The following HDDC2 variants were observed in gnomAD, a reference collection of about 807,000 sequenced individuals.
HDDC2 encodes HD domain containing 2.
Under a neutral mutation model 25.5 loss-of-function variants are expected in HDDC2, and 25 were observed. The observed-to-expected ratio is 0.98, with a 90% confidence interval of 0.72 to 1.37. HDDC2 has a LOEUF of 1.37. HDDC2 is among the 40% of genes most tolerant of loss of function. The pLI, the probability that HDDC2 is intolerant of heterozygous loss-of-function variation, is 0.00. For missense variants in HDDC2, 264 were observed against 253.1 expected (o/e 1.04, Z -0.29); for synonymous variants, 106 against 89.7 (o/e 1.18, Z -1.03).
At chr6:125,298,960 T>C in intron 2 of HDDC2, 144 bp from the exon 3 acceptor site, 2 of 566,984 alleles carry the variant, frequency 3.5e-6, no homozygotes, top group Non-Finnish European at 6.1e-6. Flanking sequence ...CTAAAGTAGT[T>C]ATATTCTGCC....
intron 3 of HDDC2, among the ~76,000 whole-genome samples, chr6:125,294,544 T>G (rs924403395): frequency 6.6e-6 from 1 of 152,238 alleles, no homozygotes; most frequent in Non-Finnish European, 1.5e-5. Flanking sequence ...TGTGTCTTTA[T>G]AGATTCCTTT....
At chr6:125,301,374 C>T (rs550792768) in intron 1 of HDDC2, among the ~76,000 whole-genome samples, 1 of 151,928 alleles carries the variant, frequency 6.6e-6, no homozygotes, top group Admixed American at 6.6e-5. Context: ...ACATAAAAAG[C>T]TCCACTTAAA....
chr6:125,288,170 C>T (rs1471068633), intron 4 of HDDC2, among the ~76,000 whole-genome samples: 1 of 152,166 alleles, frequency 6.6e-6, no homozygotes. Context: ...TGTCTATGTT[C>T]TCAAAGAAGG....
At chr6:125,277,346 A>C in intron 4 of HDDC2, 106 bp from the exon 5 acceptor site, 1 of 1,041,480 alleles carries the variant, frequency 9.6e-7, no homozygotes. Context: ...CTACAAGTAC[A>C]TTCTGTATCG....
chr6:125,280,706 G>A (rs576048072), intron 4 of HDDC2, among the ~76,000 whole-genome samples: 19 of 152,372 alleles, frequency 1.2e-4, no homozygotes, highest in South Asian at 8.3e-4. Flanking sequence ...AAGAAAGGCC[G>A]TGGCCCTAAT....
At chr6:125,297,598 CTCTT>C (rs1798723888) in intron 3 of HDDC2, 1 of 395,162 alleles carries the variant, frequency 2.5e-6, no homozygotes, top group Non-Finnish European at 4.4e-6. Context: ...AGTCTGATGT[CTCTT>C]TCTTTTCCCC....
chr6:125,293,533 T>C (rs1798661274), intron 3 of HDDC2, among the ~76,000 whole-genome samples: 1 of 152,196 alleles, frequency 6.6e-6, no homozygotes, highest in African/African-American at 2.4e-5. Flanking sequence ...ATCTGAACCC[T>C]TCAATAGCAT....
intron 4 of HDDC2, among the ~76,000 whole-genome samples, chr6:125,292,546 C>G (rs1798647085): frequency 6.6e-6 from 1 of 152,144 alleles, no homozygotes; most frequent in Non-Finnish European, 1.5e-5. Context: ...ATCCCCAAGT[C>G]CATGTTCTTT....
chr6:125,276,678 T>C (rs1034795647), intron 5 of HDDC2: 1 of 240,266 alleles, frequency 4.2e-6, no homozygotes, highest in South Asian at 8.3e-5. Context: ...GGCTGGCTCA[T>C]GATGTAAACA....
chr6:125,299,428 C>T (rs1269942690), intron 2 of HDDC2, among the ~76,000 whole-genome samples: 1 of 152,170 alleles, frequency 6.6e-6, no homozygotes, highest in Non-Finnish European at 1.5e-5. Context: ...GTTCCTGACA[C>T]ATGTGAATCA....
chr6:125,301,756 C>A (rs1175599699), intron 1 of HDDC2, 93 bp downstream of exon 1: 14 of 936,488 alleles, frequency 1.5e-5, no homozygotes, highest in Non-Finnish European at 2.2e-5. Context: ...GCAGGAAGGG[C>A]AAAGACCGCC....
chr6:125,299,045 G>C (rs934644763), intron 2 of HDDC2, among the ~76,000 whole-genome samples: 1 of 152,148 alleles, frequency 6.6e-6, no homozygotes, highest in Non-Finnish European at 1.5e-5. Flanking sequence ...GAAATTGTTA[G>C]CATTAATTTT....
intron 5 of HDDC2, chr6:125,276,526 C>A: frequency 2.4e-6 from 1 of 409,098 alleles, no homozygotes; most frequent in Non-Finnish European, 4.4e-6. Flanking sequence ...CTCCTCAGTG[C>A]CTCTACCAGG....
chr6:125,285,540 T>C (rs1438717987), intron 4 of HDDC2, among the ~76,000 whole-genome samples: 1 of 151,446 alleles, frequency 6.6e-6, no homozygotes, highest in Non-Finnish European at 1.5e-5. Context: ...AGGTGACAAA[T>C]AGTGAAGACA....
chr6:125,284,456 C>A (rs1324739393), intron 4 of HDDC2, among the ~76,000 whole-genome samples: 2 of 151,980 alleles, frequency 1.3e-5, no homozygotes, highest in East Asian at 3.9e-4. Flanking sequence ...GGAACTTTAC[C>A]AAATTTACAA....
chr6:125,292,789 C>A (rs377548032), intron 4 of HDDC2, 52 bp downstream of exon 4: 3 of 1,292,324 alleles, frequency 2.3e-6, no homozygotes, highest in Non-Finnish European at 3.4e-6. Context: ...CATCAGGGAG[C>A]CATATAAATT....
intron 4 of HDDC2, among the ~76,000 whole-genome samples, chr6:125,286,447 A>G (rs900612894): frequency 6.6e-6 from 1 of 152,236 alleles, no homozygotes; most frequent in Non-Finnish European, 1.5e-5. Flanking sequence ...CTTCATGTGT[A>G]AAGAGGGATA....
intron 3 of HDDC2, among the ~76,000 whole-genome samples, chr6:125,294,262 A>G (rs3734644): frequency 0.22 from 32,888 of 152,154 alleles, 4,319 homozygotes; most frequent in African/African-American, 0.37. Context: ...AAAATTGGAC[A>G]TTTGTGTGTA....
Position 125,275,929 on chromosome 6 carries a change from C to T in HDDC2, c.*217G>A. On this transcript the variant is annotated 3_prime_UTR_variant, in exon 6 of 6. Transcript: ENST00000398153. ...TATTTAGTTCATAAACAGGCACTGC[C>T]ACCTCCAGTGTTCATCCATGGCACT... The T allele has an allele frequency of 1.9e-6, 1 of 527,570 alleles. No homozygotes were observed. Among genetic ancestry groups the T allele is most frequent in the Non-Finnish European group, 3.3e-6 (1 of 299,610 alleles). The allele number at this position is 527,570 out of a possible 1,614,324, so 32.7% of individuals were successfully genotyped here.
Sources: gnomAD v4.1 joint callset for allele counts (sites outside exome capture counted in the v4.1 genomes callset) on GRCh38, gnomAD v4.1.1 for gene constraint, MANE v1.5 for transcripts, NCBI Gene and HGNC (gene_info 2026-07-23, HGNC 2026-07-21) for gene names.